The following CDC16 variants were observed in gnomAD, a reference collection of about 807,000 sequenced individuals.
The protein encoded by CDC16 is cell division cycle 16, also known as cell division cycle protein 16 homolog.
A neutral mutation model predicts 87.0 loss-of-function variants in CDC16; 34 were observed. The ratio of observed to expected loss-of-function variants is 0.39; its 90% CI spans 0.30 to 0.52. CDC16 has a LOEUF of 0.52. Among genes scored for constraint, CDC16 ranks in the 20% least tolerant of loss-of-function variants. The pLI is 0.74. For synonymous variants in CDC16, 263 were observed against 260.6 expected, an observed-to-expected ratio of 1.01 and a Z score of -0.09; for missense variants, 653 against 751.9, an observed-to-expected ratio of 0.87 and a Z score of 1.54.
intron 13 of CDC16, among the ~76,000 whole-genome samples, chr13:114,258,976 T>C (rs2082673809): frequency 6.6e-6 from 1 of 151,580 alleles, no homozygotes; most frequent in Non-Finnish European, 1.5e-5. Context: ...TGTACACCTG[T>C]AATCCCAGCT....
At chr13:114,245,369 G>A (rs973534311) in intron 9 of CDC16, among the ~76,000 whole-genome samples, 4 of 150,014 alleles carry the variant, frequency 2.7e-5, no homozygotes, top group East Asian at 2.0e-4. Context: ...CATGTTTTCC[G>A]TATTTTTAAC....
At chr13:114,243,433 CA>C (rs1219400158) in intron 7 of CDC16, 85 bp downstream of exon 7, 1 of 637,992 alleles carries the variant, frequency 1.6e-6, no homozygotes, top group Non-Finnish European at 2.8e-6. Flanking sequence ...ATTAAGTTTT[CA>C]AAATTAAAAC....
chr13:114,265,710 G>A (rs1279350098), intron 17 of CDC16, among the ~76,000 whole-genome samples: 1 of 152,182 alleles, frequency 6.6e-6, no homozygotes, highest in African/African-American at 2.4e-5. Context: ...GCTGTACTTG[G>A]GCACTCGTTT....
At chr13:114,262,270 G>A (rs1161220980) in intron 15 of CDC16, among the ~76,000 whole-genome samples, 1 of 152,182 alleles carries the variant, frequency 6.6e-6, no homozygotes, top group South Asian at 2.1e-4. Flanking sequence ...ATAAACAGGC[G>A]ACAGTTGAAA....
At chr13:114,267,652 C>A (rs1244763281) in intron 17 of CDC16, among the ~76,000 whole-genome samples, 1 of 152,030 alleles carries the variant, frequency 6.6e-6, no homozygotes, top group African/African-American at 2.4e-5. Context: ...TAGGTTGTTT[C>A]TTTAAAGCAG....
At chr13:114,271,751 G>A (rs1187341870) in intron 17 of CDC16, among the ~76,000 whole-genome samples, 2 of 152,110 alleles carry the variant, frequency 1.3e-5, no homozygotes, top group South Asian at 2.1e-4. Context: ...AAAGTGCTGG[G>A]ATTATAGGTG....
At chr13:114,271,878 C>G (rs532985954) in intron 17 of CDC16, among the ~76,000 whole-genome samples, 53 of 152,304 alleles carry the variant, frequency 3.5e-4, no homozygotes, top group Non-Finnish European at 6.0e-4. Flanking sequence ...TGTTGAAACA[C>G]TGGAGCTGCA....
rs74116851 is a variant in CDC16 at position 114,246,075 on chromosome 13, G to T, written c.897+26G>T. On this transcript the variant is annotated intron_variant, in intron 10 of 17. Coordinates refer to ENST00000356221, the MANE Select transcript of CDC16 (RefSeq NM_001078645.3). ...GTAAGTAATATAACTTTTAGTCTTA[G>T]TTTTTTTTTTTTTACCTGTACTTTA... The T allele has an allele frequency of 1.0e-3, 916 of 880,884 alleles. 4 individuals carry two copies. In the African/African-American group the frequency reaches 0.014, roughly 14 times the overall value. The allele number at this position is 880,884 out of a possible 1,614,324, so 54.6% of individuals were successfully genotyped here. A position where few individuals can be genotyped will look rare whatever the true frequency, so the allele number is the denominator to read the frequency against.
At chr13:114,252,936 C>G (rs947414497) in intron 12 of CDC16, among the ~76,000 whole-genome samples, 3 of 151,826 alleles carry the variant, frequency 2.0e-5, no homozygotes, top group African/African-American at 7.3e-5. Flanking sequence ...GAGTTTGATA[C>G]TAGCCCTGGC....
In CDC16 at chr13:114,272,530, C is replaced by G. The variant is rs1359336877; in HGVS notation, c.*87C>G. On this transcript the variant is annotated 3_prime_UTR_variant, in exon 18 of 18. Coordinates refer to ENST00000356221, the MANE Select transcript of CDC16 (RefSeq NM_001078645.3). ...CCATGGCTTAAGAATGTCCCACTTC[C>G]TAACGTGACTCCAAACTGCATCTCT... The G allele has an allele frequency of 8.6e-7, 1 of 1,162,712 alleles. No individual in the cohort carries two copies. Among genetic ancestry groups the G allele is most frequent in the Non-Finnish European group, 1.2e-6 (1 of 818,794 alleles). 72.0% of individuals were successfully genotyped at this position (1,162,712 alleles called of 1,614,324 possible).
intron 1 of CDC16, among the ~76,000 whole-genome samples, chr13:114,235,713 C>G (rs2081216060): frequency 6.6e-6 from 1 of 152,112 alleles, no homozygotes; most frequent in Non-Finnish European, 1.5e-5. Context: ...AATGCTTGCT[C>G]TTTCAGGAAA....
rs755662784 is a variant in CDC16 at position 114,242,108 on chromosome 13, A to G, written c.382-13A>G. The stretch of plus-strand genomic sequence containing the variant: ...GTACTGACTTAATATGTGACTCATC[A>G]TTTTTCCAACAGATAAAGAGTTCTA... On this transcript the variant is annotated splice_polypyrimidine_tract_variant and intron_variant, in intron 5 of 17. Coordinates refer to ENST00000356221, the MANE Select transcript of CDC16 (RefSeq NM_001078645.3). 2.1e-5 allele frequency: 34 copies of G among 1,587,582 alleles called. No homozygotes were observed. The highest frequency in any genetic ancestry group is 2.8e-5 in the Non-Finnish European group (33 of 1,171,760).
intron 11 of CDC16, among the ~76,000 whole-genome samples, chr13:114,248,161 GTAT>G (rs2081970947): frequency 1.3e-5 from 2 of 152,286 alleles, no homozygotes; most frequent in South Asian, 2.1e-4. Flanking sequence ...TATTTAACCA[GTAT>G]TATTCAAGTT....
At position 114,257,184 on chromosome 13, in the gene CDC16, C is replaced by A; in HGVS notation, c.1204C>A (p.Pro402Thr). Reference sequence around the variant, plus strand: ...AGCTCTGAGCATTGCACCGGAAGACCCTTTTGTTATGCATGAGGTCGGCGT... The same window carrying A: ...AGCTCTGAGCATTGCACCGGAAGACACTTTTGTTATGCATGAGGTCGGCGT... ...SQALSIAPEDPFVMHEVGVVA... is the reference protein window; with the variant it reads ...SQALSIAPEDTFVMHEVGVVA... Residue 402 changes from proline to threonine, a missense_variant, in exon 13 of 18, where the codon CCT becomes ACT. Coordinates refer to ENST00000356221, the MANE Select transcript of CDC16 (RefSeq NM_001078645.3). The A allele has an allele frequency of 6.2e-7, 1 of 1,613,210 alleles. No individual in the cohort carries two copies. Among genetic ancestry groups the A allele is most frequent in the Non-Finnish European group, 8.5e-7 (1 of 1,179,422 alleles).
In CDC16 at chr13:114,257,264, A is replaced by ACCCTT. The variant is rs780851017; in HGVS notation, c.1250+35_1250+36insCCTTC. Reference sequence around the variant, plus strand: ...TGGAAGACCAGAAACCCTTCTGTTAACTAGTGATTGTAAATACAGTAGGTG... The same window carrying ACCCTT: ...TGGAAGACCAGAAACCCTTCTGTTAACCCTTCTAGTGATTGTAAATACAGTAGGTG... On this transcript the variant is annotated intron_variant, in intron 13 of 17. Transcript: ENST00000356221. 3.3e-6 allele frequency: 5 copies of ACCCTT among 1,525,178 alleles called. No individual in the cohort carries two copies. The Admixed American group carries it at 9.1e-5, about 28-fold the overall frequency. The allele number at this position is 1,525,178 out of a possible 1,614,324, so 94.5% of individuals were successfully genotyped here. A position where few individuals can be genotyped will look rare whatever the true frequency, so the allele number is the denominator to read the frequency against.
chr13:114,250,308 C>T (rs2082098286), intron 11 of CDC16, among the ~76,000 whole-genome samples: 1 of 152,136 alleles, frequency 6.6e-6, no homozygotes, highest in Non-Finnish European at 1.5e-5. Flanking sequence ...GCCTGACCGA[C>T]ATGGTGAAAC....
At chr13:114,236,191 TAA>T (rs1303156212) in intron 1 of CDC16, among the ~76,000 whole-genome samples, 3 of 152,238 alleles carry the variant, frequency 2.0e-5, no homozygotes, top group Non-Finnish European at 2.9e-5. Context: ...TGTGTGTTTT[TAA>T]ACTTGAGTGT....
At chr13:114,246,646 T>TG (rs1343931211) in intron 10 of CDC16, among the ~76,000 whole-genome samples, 1 of 152,164 alleles carries the variant, frequency 6.6e-6, no homozygotes, top group Admixed American at 6.5e-5. Context: ...AGGGTCAGGC[T>TG]GGGGGAGATG....
intron 1 of CDC16, 28 bp downstream of exon 1, chr13:114,235,160 G>A (rs2081180814): frequency 8.1e-7 from 1 of 1,236,006 alleles, no homozygotes; most frequent in Non-Finnish European, 1.0e-6. Context: ...GGGGTGCGGG[G>A]CCCAGGCCTC....
Sources: allele counts gnomAD v4.1 joint callset (sites outside exome capture counted in the v4.1 genomes callset), GRCh38; gene constraint gnomAD v4.1.1; transcripts MANE v1.5; gene names NCBI Gene and HGNC (gene_info 2026-07-23, HGNC 2026-07-21).